The following MCC variants were observed in gnomAD, a reference collection of about 807,000 sequenced individuals.
MCC encodes MCC regulator of Wnt signaling pathway, also known as colorectal mutant cancer protein.
A neutral mutation model predicts 116.2 loss-of-function variants in MCC; 90 were observed. The observed-to-expected ratio is 0.77, with a 90% CI of 0.65 to 0.92. MCC has a LOEUF of 0.92. Among genes scored for constraint, MCC ranks in the 40% least tolerant of loss-of-function variants. The pLI is 0.00. For missense variants in MCC, 1,516 were observed against 1,312.2 expected, an observed-to-expected ratio of 1.16 and a Z score of -2.40; for synonymous variants, 578 against 510.5, an observed-to-expected ratio of 1.13 and a Z score of -1.78.
rs200270034 is a variant in MCC at position 113,151,385 on chromosome 5, A to G, written c.665T>C (p.Ile222Thr). 32 of 1,613,372 alleles carry G rather than the reference A, an allele frequency of 2.0e-5. No homozygotes were observed. The highest frequency in any genetic ancestry group is 2.7e-5 in the African/African-American group (2 of 74,914). The stretch of plus-strand genomic sequence containing the variant: ...CTGGAGACGTTTATTAAGTTCCACT[A>G]TATCTCCCTTTAGTGATGCCAGGGC... ...SAALASLKGD[I>T]VELNKRLQQT... Residue 222 changes from isoleucine (I) to threonine (T), a missense_variant, in exon 4 of 19, where the codon ATA becomes ACA. Transcript: ENST00000408903.
chr5:113,441,706 C>T (rs1289622388), intron 1 of MCC, among the ~76,000 whole-genome samples: 4 of 152,126 alleles, frequency 2.6e-5, no homozygotes, highest in African/African-American at 9.7e-5. Flanking sequence ...CCTGTGTCCA[C>T]ATGTTCTCAT....
chr5:113,030,229 T>A (rs755646811), intron 17 of MCC, among the ~76,000 whole-genome samples: 1 of 152,196 alleles, frequency 6.6e-6, no homozygotes, highest in Non-Finnish European at 1.5e-5. Flanking sequence ...TTTACAGAGA[T>A]ATCAGGAGCA....
At chr5:113,356,863 C>T (rs980738536) in intron 2 of MCC, among the ~76,000 whole-genome samples, 1 of 152,214 alleles carries the variant, frequency 6.6e-6, no homozygotes, top group African/African-American at 2.4e-5. Context: ...ACACTAAGGA[C>T]CAGATACTGT....
At chr5:113,028,806 C>T (rs1466966988) in intron 18 of MCC, 128 bp downstream of exon 18, 2 of 1,137,700 alleles carry the variant, frequency 1.8e-6, no homozygotes, top group Non-Finnish European at 2.5e-6. Context: ...AGGGACTCAC[C>T]CACTTTCTAG....
intron 2 of MCC, among the ~76,000 whole-genome samples, chr5:113,352,119 T>TA (rs1331145138): frequency 1.3e-5 from 2 of 152,154 alleles, no homozygotes; most frequent in Non-Finnish European, 2.9e-5. Flanking sequence ...AGTGGACTTT[T>TA]AAAAAAACTA....
chr5:113,075,226 C>T (rs550196250), intron 11 of MCC, among the ~76,000 whole-genome samples: 22 of 152,328 alleles, frequency 1.4e-4, no homozygotes, highest in East Asian at 1.2e-3. Context: ...ACTTCCGGCC[C>T]GCTCGCGCCA....
At chr5:113,106,059 C>T (rs1357964120) in intron 6 of MCC, among the ~76,000 whole-genome samples, 1 of 152,214 alleles carries the variant, frequency 6.6e-6, no homozygotes, top group Non-Finnish European at 1.5e-5. Context: ...AACGTGCAGT[C>T]AGAGTGAGAA....
chr5:113,069,118 A>T (rs944039553), intron 12 of MCC, among the ~76,000 whole-genome samples: 1 of 152,262 alleles, frequency 6.6e-6, no homozygotes, highest in African/African-American at 2.4e-5. Flanking sequence ...CATACTTCAT[A>T]TGTTCAATAG....
At position 113,366,323 on chromosome 5, in the gene MCC, GT is replaced by G. The variant is rs532029063; in HGVS notation, c.415+18644del. 3.6e-3 allele frequency among the ~76,000 whole-genome samples: 546 copies of G among 150,550 alleles called. 1 individual carries two copies. The highest frequency in any genetic ancestry group is 0.012 in the African/African-American group (476 of 41,092). On this transcript the variant is annotated intron_variant, in intron 2 of 18. Coordinates refer to ENST00000408903, the MANE Select transcript of MCC (RefSeq NM_001085377.2). ...ATTTCAATAAATGAAATCTTAGTAG[GT>G]TTTTTTTTATGTTAATTCTTGCTCA...
rs537984394 is a variant in MCC, at chr5:113,100,358, A to G, written c.1398+1381T>C. On this transcript the variant is annotated intron_variant, in intron 8 of 18. Transcript: ENST00000408903. ...AAAACAAAATGATGTACACATCCTG[A>G]GCTCGTTGAAGCATAGAAGAGCAAG... Among the ~76,000 whole-genome samples the G allele has an allele frequency of 1.2e-3, 186 of 152,058 alleles. 1 individual carries two copies. The Middle Eastern group carries it at 0.014, about 11-fold the overall frequency.
intron 11 of MCC, among the ~76,000 whole-genome samples, chr5:113,082,426 A>T (rs1025775304): frequency 1.3e-5 from 2 of 152,154 alleles, no homozygotes; most frequent in East Asian, 3.9e-4. Flanking sequence ...AACATTCCAG[A>T]ACTCCCTTCT....
intron 1 of MCC, among the ~76,000 whole-genome samples, chr5:113,481,800 T>C (rs910905590): frequency 3.9e-5 from 6 of 152,182 alleles, no homozygotes; most frequent in African/African-American, 1.4e-4. Flanking sequence ...ATATAATTCA[T>C]ATACCATAAT....
intron 1 of MCC, among the ~76,000 whole-genome samples, chr5:113,485,504 T>C (rs560812843): frequency 1.3e-5 from 2 of 152,264 alleles, no homozygotes; most frequent in Admixed American, 6.5e-5. Context: ...AATTAAGGGA[T>C]TTGGGAAAGC....
At chr5:113,423,289 A>C (rs1271366272) in intron 1 of MCC, among the ~76,000 whole-genome samples, 2 of 152,172 alleles carry the variant, frequency 1.3e-5, no homozygotes, top group African/African-American at 4.8e-5. Context: ...CATGTTAGAT[A>C]AGCTTTGTTC....
At chr5:113,229,840 A>C (rs1031789798) in intron 3 of MCC, among the ~76,000 whole-genome samples, 3 of 152,206 alleles carry the variant, frequency 2.0e-5, no homozygotes, top group Non-Finnish European at 4.4e-5. Context: ...AACAGGCTAC[A>C]CCATATGGCC....
At chr5:113,329,463 C>T (rs980735837) in intron 3 of MCC, among the ~76,000 whole-genome samples, 17 of 146,736 alleles carry the variant, frequency 1.2e-4, no homozygotes, top group African/African-American at 4.1e-4. Context: ...TGTATACACA[C>T]ATGCATATAT....
chr5:113,299,665 ACT>A (rs1412276713), intron 3 of MCC, among the ~76,000 whole-genome samples: 1 of 152,192 alleles, frequency 6.6e-6, no homozygotes, highest in East Asian at 1.9e-4. Context: ...CAAGTGTATA[ACT>A]CTACATGACT....
At chr5:113,282,284 G>C (rs572569075) in intron 3 of MCC, among the ~76,000 whole-genome samples, 1 of 152,122 alleles carries the variant, frequency 6.6e-6, no homozygotes, top group South Asian at 2.1e-4. Context: ...CTGCTAGCTG[G>C]GGATGTTTTA....
In MCC at chr5:113,488,230, T is replaced by G. The variant is rs1254417745; in HGVS notation, c.170+15A>C. On this transcript the variant is annotated intron_variant, in intron 1 of 18. Coordinates refer to ENST00000408903, the MANE Select transcript of MCC (RefSeq NM_001085377.2). The stretch of plus-strand genomic sequence containing the variant: ...GATCTCGCTCCTGTCGGTTTCCTCG[T>G]ACCTCCCCGCGTACCTGCTGATGTA... The G allele has an allele frequency of 1.9e-6, 3 of 1,581,018 alleles. No homozygotes were observed. The Admixed American group carries it at 5.3e-5, about 28-fold the overall frequency.
Sources: allele counts gnomAD v4.1 joint callset (sites outside exome capture counted in the v4.1 genomes callset), GRCh38; gene constraint gnomAD v4.1.1; transcripts MANE v1.5; gene names NCBI Gene and HGNC (gene_info 2026-07-23, HGNC 2026-07-21).